Variants in TRIM65 observed in about 807,000 individuals in gnomAD.
TRIM65 encodes E3 ubiquitin-protein ligase TRIM65.
TRIM65 carries 46 observed loss-of-function variants against 36.1 expected under a neutral mutation model. The ratio of observed to expected loss-of-function variants is 1.27; its 90% CI spans 1.01 to 1.63. The LOEUF (loss-of-function observed/expected upper bound fraction) is 1.63, where lower values mean the gene tolerates loss of function less well. TRIM65 is among the 40% of genes most tolerant of loss of function. TRIM65 has a pLI of 0.00. For synonymous variants in TRIM65, 346 were observed against 313.6 expected, an observed-to-expected ratio of 1.10 and a Z score of -1.09; for missense variants, 708 against 696.6, an observed-to-expected ratio of 1.02 and a Z score of -0.18.
At position 75,890,912 on chromosome 17, in the gene TRIM65, AG is replaced by A; in HGVS notation, c.1420del (p.Leu474CysfsTer24). 6.5e-7 allele frequency: 1 copy of A among 1,549,592 alleles called. No homozygotes were observed. Among genetic ancestry groups the A allele is most frequent in the African/African-American group, 1.4e-5 (1 of 72,860 alleles). ...FYSLEPQTQP[L>X]YTFHALFNQP... is the part of the protein sequence containing the mutation. ...GTTGAAGAGGGCATGGAAGGTGTAC[AG>A]GGGCTGGGTCTGGGGCTCCAGGCTG... On this transcript the variant is annotated frameshift_variant, in exon 6 of 6. Coordinates refer to ENST00000269383, the MANE Select transcript of TRIM65 (RefSeq NM_173547.4). LOFTEE classifies it high-confidence loss of function.
downstream of TRIM65, chr17:75,888,888 C>T (rs1346596793): frequency 6.8e-6 from 1 of 146,256 alleles, no homozygotes; most frequent in Non-Finnish European, 1.5e-5. Flanking sequence ...GGGGTGGGGT[C>T]GTCGTGGGAG....
At chr17:75,881,143 G>A (rs2065166307) in intron 4 of TRIM65, among the ~76,000 whole-genome samples, 3 of 149,538 alleles carry the variant, frequency 2.0e-5, no homozygotes, top group South Asian at 4.2e-4. Context: ...CCAGCTACTC[G>A]GGAGTCTGAG....
downstream of TRIM65, among the ~76,000 whole-genome samples, chr17:75,884,256 A>G (rs1253424438): frequency 6.6e-6 from 1 of 152,140 alleles, no homozygotes; most frequent in Non-Finnish European, 1.5e-5. Context: ...TGGGGAGTTC[A>G]GGACCAGCCT....
At chr17:75,892,644 A>AGCTCCCTGCTCAGCCCC in intron 2 of TRIM65, 111 bp downstream of exon 2, 1 of 1,253,504 alleles carries the variant, frequency 8.0e-7, no homozygotes, top group Non-Finnish European at 1.1e-6. Context: ...CCCTGTGCCC[A>AGCTCCCTGCTCAGCCCC]GCTCCCTGCT....
chr17:75,883,390 T>C (rs1161602672), intron 4 of TRIM65, among the ~76,000 whole-genome samples: 2 of 152,178 alleles, frequency 1.3e-5, no homozygotes, highest in East Asian at 1.9e-4. Context: ...TTGCTGGGAC[T>C]ACAGGCAAGA....
At chr17:75,884,420 T>C (rs933996656), downstream of TRIM65, among the ~76,000 whole-genome samples, 7 of 151,884 alleles carry the variant, frequency 4.6e-5, no homozygotes, top group African/African-American at 1.7e-4. Context: ...GATCATGCCA[T>C]TGCACTCCAG....
At position 75,896,710 on chromosome 17, in the gene TRIM65, C is replaced by T. The variant is rs1337530209; in HGVS notation, c.228G>A (p.Gly76=). ...LSGVLEVVRA[G]PARDPGPDPG... is the part of the protein sequence containing the mutation. ...GATCGGGGCCGGGATCCCGGGCGGG[C>T]CCGGCGCGCACCACCTCCAGCACGC... Residue 76 remains glycine (G), a synonymous_variant, in exon 1 of 6, where the codon GGG becomes GGA. Coordinates refer to ENST00000269383, the MANE Select transcript of TRIM65 (RefSeq NM_173547.4). 2.9e-6 allele frequency: 4 copies of T among 1,377,338 alleles called. No individual in the cohort carries two copies. The highest frequency in any genetic ancestry group is 3.7e-6 in the Non-Finnish European group (4 of 1,067,650). 85.3% of individuals were successfully genotyped at this position (1,377,338 alleles called of 1,614,324 possible).
In TRIM65 at chr17:75,890,890, G is replaced by T. The variant is rs1205853474; in HGVS notation, c.1443C>A (p.Phe481Leu). The T allele has an allele frequency of 1.3e-6, 2 of 1,534,152 alleles. No homozygotes were observed. The highest frequency in any genetic ancestry group is 2.3e-5 in the Admixed American group (1 of 42,718). Reference protein sequence around the residue: ...TQPLYTFHALFNQPLTPVFWL... With the variant: ...TQPLYTFHALLNQPLTPVFWL... ...AGAAGACGGGGGTGAGGGGCTGGTT[G>T]AAGAGGGCATGGAAGGTGTACAGGG... Residue 481 changes from phenylalanine (F) to leucine (L), a missense_variant, in exon 6 of 6, where the codon TTC becomes TTA. Transcript: ENST00000269383.
At chr17:75,886,868 C>T (rs1210533550), downstream of TRIM65, among the ~76,000 whole-genome samples, 1 of 152,146 alleles carries the variant, frequency 6.6e-6, no homozygotes, top group Admixed American at 6.6e-5. Flanking sequence ...TCGATACCAG[C>T]GTGCGTTTTC....
rs2065251151 is a variant in TRIM65 at position 75,890,664 on chromosome 17, T to C, written c.*115A>G. 3 of 903,020 alleles carry C rather than the reference T, an allele frequency of 3.3e-6. No homozygotes were observed. The highest frequency in any genetic ancestry group is 3.6e-5 in the Admixed American group (1 of 27,792). The allele number at this position is 903,020 out of a possible 1,614,324, so 55.9% of individuals were successfully genotyped here. On this transcript the variant is annotated 3_prime_UTR_variant, in exon 6 of 6. Transcript: ENST00000269383. Reference sequence around the variant, plus strand: ...CACCTCCCCCAACCTCCCATCTCTTTCTGAGTTAACAGAGAGGCCAACAGC... The same window carrying C: ...CACCTCCCCCAACCTCCCATCTCTTCCTGAGTTAACAGAGAGGCCAACAGC...
chr17:75,884,459 C>CA (rs145556707), downstream of TRIM65, among the ~76,000 whole-genome samples: 14 of 148,268 alleles, frequency 9.4e-5, no homozygotes, highest in East Asian at 5.9e-4. Context: ...AACTCCGTCT[C>CA]AAAAAAAAAA....
chr17:75,883,120 CTT>C (rs566533056), intron 4 of TRIM65, among the ~76,000 whole-genome samples: 46 of 135,840 alleles, frequency 3.4e-4, no homozygotes, highest in Non-Finnish European at 3.3e-4. Flanking sequence ...TTTCTTTATG[CTT>C]TTTTTTTTTT....
downstream of TRIM65, among the ~76,000 whole-genome samples, chr17:75,887,479 G>A (rs1342643536): frequency 6.6e-6 from 1 of 151,810 alleles, no homozygotes; most frequent in African/African-American, 2.4e-5. Flanking sequence ...GTGCAACCCT[G>A]TCTCAAAAAC....
In TRIM65 at chr17:75,895,836, C is replaced by T. The variant is rs376597794; in HGVS notation, c.414+688G>A. On this transcript the variant is annotated intron_variant, in intron 1 of 5. Coordinates refer to ENST00000269383, the MANE Select transcript of TRIM65 (RefSeq NM_173547.4). ...GTCTGATCCATTTACCAACAGCCCC[C>T]ATAGCCCCCTCGCCCTCCACAACCC... 1.4e-4 allele frequency among the ~76,000 whole-genome samples: 21 copies of T among 152,316 alleles called. No homozygotes were observed. The East Asian group carries it at 3.9e-3, about 28-fold the overall frequency.
rs1220138433 is a variant in TRIM65 at position 75,890,753 on chromosome 17, T to C, written c.*26A>G. ...GGGCACATAGGCATGGTGGCAGCTA[T>C]GCCAGGGCTCCATCCCATGCCTTCT... On this transcript the variant is annotated 3_prime_UTR_variant, in exon 6 of 6. Transcript: ENST00000269383. 8 of 1,436,574 alleles carry C rather than the reference T, an allele frequency of 5.6e-6. No homozygotes were observed. In the African/African-American group the frequency reaches 1.2e-4, roughly 21 times the overall value. The allele number at this position is 1,436,574 out of a possible 1,614,324, so 89.0% of individuals were successfully genotyped here.
intron 1 of TRIM65, among the ~76,000 whole-genome samples, 159 bp from the exon 2 acceptor site, chr17:75,893,009 G>C (rs895159715): frequency 2.0e-5 from 3 of 152,260 alleles, no homozygotes; most frequent in Non-Finnish European, 2.9e-5. Flanking sequence ...AACCCAGGGA[G>C]AGTTGGGGCC....
chr17:75,888,164 T>A (rs181745731), downstream of TRIM65, among the ~76,000 whole-genome samples: 1,578 of 137,068 alleles, frequency 0.012, 36 homozygotes, highest in Non-Finnish European at 0.016. Context: ...TCAAAAAATA[T>A]ATAAATAAAT....
rs775867582 is a variant in TRIM65 at position 75,892,508 on chromosome 17, G to A, written c.511-8C>T. ...CAAGATGCAGGCCGAGTTCTGGGCG[G>A]GAACAGGAGGGGCTTCAGGGTGGCC... On this transcript the variant is annotated splice_polypyrimidine_tract_variant and splice_region_variant and intron_variant, in intron 2 of 5. Transcript: ENST00000269383. 2 of 1,611,368 alleles carry A rather than the reference G, an allele frequency of 1.2e-6. No homozygotes were observed. The highest frequency in any genetic ancestry group is 3.3e-5 in the Admixed American group (2 of 59,792).
At chr17:75,894,279 C>G (rs2065314835) in intron 1 of TRIM65, among the ~76,000 whole-genome samples, 1 of 152,114 alleles carries the variant, frequency 6.6e-6, no homozygotes, top group Non-Finnish European at 1.5e-5. Context: ...ATCCTCCATC[C>G]ACGCCTTAGC....
Sources: gnomAD v4.1 joint callset for allele counts (sites outside exome capture counted in the v4.1 genomes callset) on GRCh38, gnomAD v4.1.1 for gene constraint, MANE v1.5 for transcripts, NCBI Gene and HGNC (gene_info 2026-07-23, HGNC 2026-07-21) for gene names.